Variants in DOCK4 observed in about 807,000 individuals in gnomAD.
The protein encoded by DOCK4 is dedicator of cytokinesis protein 4.
Under a neutral mutation model 268.1 loss-of-function variants are expected in DOCK4, and 97 were observed. The ratio of observed to expected loss-of-function variants is 0.36; its 90% CI spans 0.31 to 0.43. The LOEUF (loss-of-function observed/expected upper bound fraction) is 0.43, where lower values mean the gene tolerates loss of function less well. Among genes scored for constraint, DOCK4 ranks in the 20% least tolerant of loss-of-function variants. DOCK4 has a pLI of 1.00. For missense variants in DOCK4, 2,145 were observed against 2,455.7 expected (o/e 0.87, Z 2.67); for synonymous variants, 954 against 887.2 (o/e 1.08, Z -1.34).
At position 112,133,556 on chromosome 7, in the gene DOCK4, AC is replaced by A. The variant is rs1814014655; in HGVS notation, c.37+72545del. ...AGACTAGCCTGGGGGACATGGTGAC[AC>A]CCGTCTCTCCTAAAATAGCCGGGCA... is the stretch of plus-strand genomic sequence containing the variant. On this transcript the variant is annotated intron_variant, in intron 1 of 52. Coordinates refer to ENST00000428084, the MANE Select transcript of DOCK4 (RefSeq NM_001363540.2). Among the ~76,000 whole-genome samples the A allele has an allele frequency of 2.0e-5, 3 of 151,930 alleles. No homozygotes were observed. In the South Asian group the frequency reaches 6.2e-4, roughly 32 times the overall value.
intron 39 of DOCK4, among the ~76,000 whole-genome samples, chr7:111,761,295 G>A (rs1260404830): frequency 6.6e-6 from 1 of 152,146 alleles, no homozygotes; most frequent in Non-Finnish European, 1.5e-5. Flanking sequence ...CCTGGCCTCA[G>A]GTGATCTGCC....
chr7:112,196,441 C>T (rs1820451912), intron 1 of DOCK4, among the ~76,000 whole-genome samples: 1 of 152,206 alleles, frequency 6.6e-6, no homozygotes, highest in Admixed American at 6.5e-5. Flanking sequence ...GACCACAGTA[C>T]ACTTCTCAAT....
intron 1 of DOCK4, among the ~76,000 whole-genome samples, chr7:112,172,509 G>C (rs1159080343): frequency 6.6e-6 from 1 of 152,142 alleles, no homozygotes; most frequent in Non-Finnish European, 1.5e-5. Flanking sequence ...TGTATCAAGA[G>C]AACAAGTGAC....
At chr7:112,154,318 A>C (rs1251949356) in intron 1 of DOCK4, among the ~76,000 whole-genome samples, 1 of 152,180 alleles carries the variant, frequency 6.6e-6, no homozygotes, top group Non-Finnish European at 1.5e-5. Context: ...AGTAATCTTT[A>C]AACAACATAC....
At chr7:111,942,606 C>T (rs571251035) in intron 10 of DOCK4, among the ~76,000 whole-genome samples, 55 of 152,074 alleles carry the variant, frequency 3.6e-4, no homozygotes, top group African/African-American at 1.3e-3. Context: ...TGACTCATCC[C>T]GGTCACCTGC....
chr7:112,193,598 T>TAAAAAAAAAAAAAAA (rs564039337), intron 1 of DOCK4, among the ~76,000 whole-genome samples: 7 of 132,212 alleles, frequency 5.3e-5, no homozygotes, highest in African/African-American at 2.0e-4. Context: ...GACCATGCCT[T>TAAAAAAAAAAAAAAA]AAAAAAAAAA....
intron 1 of DOCK4, among the ~76,000 whole-genome samples, chr7:112,095,616 T>C (rs1419917208): frequency 1.3e-5 from 2 of 152,212 alleles, no homozygotes; most frequent in African/African-American, 4.8e-5. Flanking sequence ...TAACTTGATA[T>C]ACTTGTATAA....
chr7:111,912,379 C>T (rs1327602507), intron 13 of DOCK4, among the ~76,000 whole-genome samples: 1 of 152,210 alleles, frequency 6.6e-6, no homozygotes, highest in Middle Eastern at 3.4e-3. Flanking sequence ...ACTTAGTATG[C>T]TATTCGTCAT....
chr7:111,728,199 A>T lies in DOCK4; in HGVS notation c.*75T>A. ...CTGAGTAAGTTATTAAAGTGCCTAC[A>T]CTAAATGTCTTCTCATCATACTTCT... On this transcript the variant is annotated 3_prime_UTR_variant, in exon 53 of 53. Transcript: ENST00000428084. The T allele has an allele frequency of 8.3e-7, 1 of 1,201,942 alleles. No individual in the cohort carries two copies. The highest frequency in any genetic ancestry group is 1.1e-6 in the Non-Finnish European group (1 of 913,230). 74.5% of individuals were successfully genotyped at this position (1,201,942 alleles called of 1,614,324 possible).
At chr7:112,012,020 C>T (rs182338725) in intron 1 of DOCK4, among the ~76,000 whole-genome samples, 203 of 151,846 alleles carry the variant, frequency 1.3e-3, no homozygotes, top group African/African-American at 4.6e-3. Context: ...TGCTAGCCCA[C>T]GATGACACCC....
At chr7:112,153,270 T>C (rs1405480838) in intron 1 of DOCK4, among the ~76,000 whole-genome samples, 1 of 152,190 alleles carries the variant, frequency 6.6e-6, no homozygotes, top group Non-Finnish European at 1.5e-5. Flanking sequence ...TAATTTAAAA[T>C]GCACATTGAA....
At position 111,783,931 on chromosome 7, in the gene DOCK4, C is replaced by A; in HGVS notation, c.3450G>T (p.Arg1150=). 6.2e-7 allele frequency: 1 copy of A among 1,606,054 alleles called. No individual in the cohort carries two copies. The change falls in exon 34 of 53, where the codon CGG becomes CGT. Residue 1150 remains arginine (R), a synonymous_variant. Coordinates refer to ENST00000428084, the MANE Select transcript of DOCK4 (RefSeq NM_001363540.2). The part of the protein sequence containing the change: ...PYPSLLKKIE[R]ETWRESGVSL... ...AAACGCCACTTTCCCGCCATGTTTC[C>A]CGCTCAATTTTCTTTAGTAGACTGG...
chr7:111,856,416 T>C (rs956171422), intron 23 of DOCK4, among the ~76,000 whole-genome samples: 1 of 152,234 alleles, frequency 6.6e-6, no homozygotes, highest in African/African-American at 2.4e-5. Flanking sequence ...AAACTATTAA[T>C]TTTATCTTTG....
intron 30 of DOCK4, among the ~76,000 whole-genome samples, chr7:111,794,531 G>A (rs991079823): frequency 6.6e-6 from 1 of 152,176 alleles, no homozygotes; most frequent in Non-Finnish European, 1.5e-5. Context: ...AGGAGAAGTG[G>A]GAAAGTGGTG....
intron 20 of DOCK4, among the ~76,000 whole-genome samples, chr7:111,870,735 T>A (rs1185913134): frequency 2.0e-5 from 3 of 152,154 alleles, no homozygotes; most frequent in Admixed American, 6.5e-5. Flanking sequence ...TAAGATAACA[T>A]GCTAGTGAGT....
intron 23 of DOCK4, among the ~76,000 whole-genome samples, chr7:111,853,651 G>T (rs745768936): frequency 6.6e-6 from 1 of 152,148 alleles, no homozygotes; most frequent in Non-Finnish European, 1.5e-5. Context: ...GGAGGGCTAC[G>T]GATGATCCCT....
chr7:112,029,240 A>G (rs906993088), intron 1 of DOCK4, among the ~76,000 whole-genome samples: 3 of 152,214 alleles, frequency 2.0e-5, no homozygotes, highest in Admixed American at 6.5e-5. Flanking sequence ...CCACTCCCAG[A>G]AAACAAAATC....
chr7:112,177,890 C>T (rs1434355208), intron 1 of DOCK4, among the ~76,000 whole-genome samples: 1 of 152,200 alleles, frequency 6.6e-6, no homozygotes, highest in Non-Finnish European at 1.5e-5. Flanking sequence ...GCTCTATGGA[C>T]ACCATGGGAA....
intron 22 of DOCK4, among the ~76,000 whole-genome samples, chr7:111,867,662 C>T (rs1806084748): frequency 6.6e-6 from 1 of 152,092 alleles, no homozygotes; most frequent in African/African-American, 2.4e-5. Flanking sequence ...AAGAGATTGG[C>T]CCTAGTGAAA....
Sources: gnomAD v4.1 joint callset for allele counts (sites outside exome capture counted in the v4.1 genomes callset) on GRCh38, gnomAD v4.1.1 for gene constraint, MANE v1.5 for transcripts, NCBI Gene and HGNC (gene_info 2026-07-23, HGNC 2026-07-21) for gene names.